The following CALN1 variants were observed in gnomAD, a reference collection of about 807,000 sequenced individuals.
CALN1 encodes the protein calcium-binding protein 8.
Under a neutral mutation model 30.6 loss-of-function variants are expected in CALN1, and 17 were observed. That is an observed-to-expected ratio of 0.56 (90% CI 0.38 to 0.83). CALN1 has a LOEUF of 0.83. Ranked by LOEUF, CALN1 falls within the 40% of genes least tolerant of loss-of-function variation. The pLI is 0.00. For synonymous variants in CALN1, 156 were observed against 131.4 expected, an observed-to-expected ratio of 1.19 and a Z score of -1.28; for missense variants, 291 against 354.9, an observed-to-expected ratio of 0.82 and a Z score of 1.45.
chr7:72,481,528 C>T, the CALN1 span, among the ~76,000 whole-genome samples: 1 of 151,988 alleles, frequency 6.6e-6, no homozygotes, highest in Non-Finnish European at 1.5e-5. Flanking sequence ...TTATTTTGCT[C>T]TTCATTTTCT....
At chr7:72,052,079 C>CA (rs1487855109) in intron 4 of CALN1, among the ~76,000 whole-genome samples, 1 of 152,058 alleles carries the variant, frequency 6.6e-6, no homozygotes, top group Admixed American at 6.6e-5. Context: ...ATTCATGAGA[C>CA]AAGATGATCA....
intron 4 of CALN1, among the ~76,000 whole-genome samples, chr7:72,036,800 AT>A (rs993623364): frequency 1.5e-4 from 22 of 143,724 alleles, no homozygotes; most frequent in Non-Finnish European, 2.4e-4. Context: ...GGAACAGCTT[AT>A]TTTTTTTTCC....
intron 5 of CALN1, among the ~76,000 whole-genome samples, chr7:71,926,912 C>T (rs1335574614): frequency 1.3e-5 from 2 of 152,098 alleles, no homozygotes; most frequent in South Asian, 2.1e-4. Flanking sequence ...TCCATAAGAG[C>T]CTTTAATATA....
chr7:72,372,832 A>G (rs1435676050), intron 2 of CALN1, among the ~76,000 whole-genome samples: 1 of 152,194 alleles, frequency 6.6e-6, no homozygotes, highest in Non-Finnish European at 1.5e-5. Flanking sequence ...AATACTCAAA[A>G]TGTCAAGGAT....
At chr7:72,098,963 AGCC>A in intron 4 of CALN1, among the ~76,000 whole-genome samples, 1 of 152,156 alleles carries the variant, frequency 6.6e-6, no homozygotes, top group Admixed American at 6.5e-5. Flanking sequence ...TTCCATGTGT[AGCC>A]GGCAAGGCAC....
chr7:72,366,784 T>C (rs1803901732), intron 2 of CALN1, among the ~76,000 whole-genome samples: 1 of 151,918 alleles, frequency 6.6e-6, no homozygotes, highest in Non-Finnish European at 1.5e-5. Flanking sequence ...GCATCTAAAT[T>C]GCATGTATAT....
intron 5 of CALN1, among the ~76,000 whole-genome samples, chr7:71,992,549 G>T (rs1032622665): frequency 5.9e-5 from 9 of 151,950 alleles, no homozygotes; most frequent in African/African-American, 1.5e-4. Context: ...GCAGAGATGG[G>T]GTCTTCCTAT....
intron 1 of CALN1, among the ~76,000 whole-genome samples, chr7:72,429,155 A>G (rs1186819358): frequency 1.3e-5 from 2 of 152,236 alleles, no homozygotes; most frequent in African/African-American, 4.8e-5. Flanking sequence ...TACCATAAAC[A>G]GGAAAATAGA....
chr7:72,278,806 T>G lies in CALN1; in HGVS notation c.124A>C (p.Lys42Gln), dbSNP rs1450357056. Residue 42 changes from lysine to glutamine, a missense_variant, in exon 3 of 7, where the codon AAG (lysine) becomes CAG (glutamine). Lys to Gln is a moderately conservative substitution (Grantham distance 53). Around this residue, in one of 2 missense-constraint regions of CALN1, gnomAD observed 122 missense variants for 103.2 expected, o/e 1.18. Coordinates refer to ENST00000395275, the MANE Select transcript of CALN1 (RefSeq NM_031468.4). ...SQAPDFPTWE[K>Q]MPFHHVTAGL... ...GCGGTCACATGGTGGAACGGCATCT[T>G]TTCCCTGCCCAAGAGAGAACAGGGG... is the stretch of plus-strand genomic sequence containing the variant. 1 of 1,612,952 alleles carries G rather than the reference T, an allele frequency of 6.2e-7. No individual in the cohort carries two copies.
intron 1 of CALN1, among the ~76,000 whole-genome samples, chr7:72,422,112 A>G (rs1214951479): frequency 6.6e-6 from 1 of 152,182 alleles, no homozygotes; most frequent in African/African-American, 2.4e-5. Context: ...TCTTTTTCAT[A>G]TAATGACTTC....
intron 5 of CALN1, among the ~76,000 whole-genome samples, chr7:71,878,472 C>G (rs1385147581): frequency 6.6e-6 from 1 of 152,042 alleles, no homozygotes; most frequent in Non-Finnish European, 1.5e-5. Flanking sequence ...CAGCTGGGCC[C>G]TATGAGACAG....
chr7:72,345,377 AAG>A (rs1491054607), intron 2 of CALN1, among the ~76,000 whole-genome samples: 10 of 143,276 alleles, frequency 7.0e-5, no homozygotes, highest in Non-Finnish European at 1.1e-4. Flanking sequence ...AGGAAGGAGA[AAG>A]AAAAAAGGAA....
chr7:72,377,973 G>A (rs560087002), intron 2 of CALN1, among the ~76,000 whole-genome samples: 1 of 149,778 alleles, frequency 6.7e-6, no homozygotes, highest in Non-Finnish European at 1.5e-5. Flanking sequence ...CCCTCCCCCT[G>A]CCCCCATTTC....
intron 2 of CALN1, among the ~76,000 whole-genome samples, chr7:72,342,253 T>C: frequency 9.0e-6 from 1 of 111,108 alleles, no homozygotes; most frequent in South Asian, 3.0e-4. Context: ...ACCAAGACTT[T>C]GTCTCAAAAA....
chr7:72,163,372 G>T (rs1390342563), intron 3 of CALN1, among the ~76,000 whole-genome samples: 1 of 68,636 alleles, frequency 1.5e-5, no homozygotes, highest in South Asian at 3.6e-4. Flanking sequence ...TGTACTACAA[G>T]AAAAAAACTT....
At chr7:72,224,085 C>G (rs992500620) in intron 3 of CALN1, among the ~76,000 whole-genome samples, 1 of 151,996 alleles carries the variant, frequency 6.6e-6, no homozygotes, top group African/African-American at 2.4e-5. Context: ...TCAATCGTAC[C>G]CCAATATCAC....
At chr7:72,124,139 C>A (rs1333853076) in intron 3 of CALN1, among the ~76,000 whole-genome samples, 1 of 152,142 alleles carries the variant, frequency 6.6e-6, no homozygotes, top group African/African-American at 2.4e-5. Flanking sequence ...GAGACAGCGA[C>A]CTGGCTCAGA....
chr7:72,428,820 G>A (rs753791568), intron 1 of CALN1, among the ~76,000 whole-genome samples: 6 of 152,148 alleles, frequency 3.9e-5, no homozygotes, highest in Admixed American at 1.3e-4. Flanking sequence ...CCAACATGGC[G>A]AAACCCCATC....
At chr7:71,992,103 T>G (rs1798984998) in intron 5 of CALN1, among the ~76,000 whole-genome samples, 1 of 152,056 alleles carries the variant, frequency 6.6e-6, no homozygotes, top group African/African-American at 2.4e-5. Context: ...GTTCACTGTT[T>G]ATCTTCATTA....
Sources: allele counts gnomAD v4.1 joint callset (sites outside exome capture counted in the v4.1 genomes callset), GRCh38; gene constraint gnomAD v4.1.1; regional missense constraint gnomAD v4.1.1; transcripts MANE v1.5; gene names NCBI Gene and HGNC (gene_info 2026-07-23, HGNC 2026-07-21).